Variants in GRM5 observed in about 807,000 individuals in gnomAD.
GRM5 encodes glutamate metabotropic receptor 5, also known as metabotropic glutamate receptor 5.
Under a neutral mutation model 83.1 loss-of-function variants are expected in GRM5, and 19 were observed. That is an observed-to-expected ratio of 0.23 (90% CI 0.16 to 0.34). The LOEUF (loss-of-function observed/expected upper bound fraction) is 0.34, where lower values mean the gene tolerates loss of function less well. Ranked by LOEUF, GRM5 falls within the 10% of genes least tolerant of loss-of-function variation. The pLI, the probability that GRM5 is intolerant of heterozygous loss-of-function variation, is 1.00. For synonymous variants in GRM5, 675 were observed against 633.6 expected (o/e 1.07, Z -0.98); for missense variants, 1,160 against 1,588.3 (o/e 0.73, Z 4.58).
chr11:88,994,537 C>A (rs1940111517), intron 2 of GRM5, among the ~76,000 whole-genome samples: 1 of 132,726 alleles, frequency 7.5e-6, no homozygotes, highest in South Asian at 2.4e-4. Flanking sequence ...ATTGTGAATC[C>A]TCTGAGAGAA....
chr11:88,896,617 G>A (rs1223503878), intron 2 of GRM5, among the ~76,000 whole-genome samples: 1 of 151,872 alleles, frequency 6.6e-6, no homozygotes. Context: ...GACCAGTGGT[G>A]CAGTTCTGAG....
At chr11:88,799,752 C>G (rs1038022341) in intron 3 of GRM5, among the ~76,000 whole-genome samples, 1 of 152,018 alleles carries the variant, frequency 6.6e-6, no homozygotes, top group Non-Finnish European at 1.5e-5. Flanking sequence ...AGCAGTTCTA[C>G]GATAATAAAA....
chr11:89,057,156 A>G (rs1223755675), intron 1 of GRM5, among the ~76,000 whole-genome samples: 1 of 152,130 alleles, frequency 6.6e-6, no homozygotes, highest in Non-Finnish European at 1.5e-5. Flanking sequence ...TCAGGACATA[A>G]ACACTAAAAT....
intron 2 of GRM5, among the ~76,000 whole-genome samples, chr11:89,039,192 G>C (rs916719421): frequency 1.3e-5 from 2 of 151,870 alleles, no homozygotes; most frequent in Non-Finnish European, 2.9e-5. Context: ...TTGAACCTGG[G>C]AGGCGGAGGT....
At chr11:88,973,360 C>A (rs542989) in intron 2 of GRM5, among the ~76,000 whole-genome samples, 17,465 of 152,068 alleles carry the variant, frequency 0.11, 3,232 homozygotes, top group African/African-American at 0.39. Flanking sequence ...AGGTTCTTTG[C>A]AGATGTGAGT....
At chr11:88,862,425 T>G (rs542553542) in intron 2 of GRM5, among the ~76,000 whole-genome samples, 1 of 152,228 alleles carries the variant, frequency 6.6e-6, no homozygotes. Flanking sequence ...CATAAAAACA[T>G]TATTTATGTT....
intron 8 of GRM5, among the ~76,000 whole-genome samples, chr11:88,537,217 C>T (rs1347194374): frequency 3.3e-5 from 5 of 152,146 alleles, no homozygotes; most frequent in East Asian, 1.9e-4. Flanking sequence ...GCACAATATA[C>T]GCTTATTTTT....
chr11:88,748,591 C>A (rs1233506385), intron 3 of GRM5, among the ~76,000 whole-genome samples: 1 of 152,136 alleles, frequency 6.6e-6, no homozygotes, highest in East Asian at 1.9e-4. Context: ...TACCAGAAAG[C>A]ATCCAGACTG....
intron 3 of GRM5, among the ~76,000 whole-genome samples, chr11:88,799,568 T>C (rs1349920295): frequency 6.6e-6 from 1 of 152,042 alleles, no homozygotes; most frequent in Non-Finnish European, 1.5e-5. Flanking sequence ...AAATAAATAA[T>C]ACAAAGAAGT....
At chr11:88,750,632 A>G (rs978142356) in intron 3 of GRM5, among the ~76,000 whole-genome samples, 2 of 152,170 alleles carry the variant, frequency 1.3e-5, no homozygotes, top group South Asian at 2.1e-4. Context: ...TAGAATATAC[A>G]TTCTTACCAC....
At chr11:88,793,844 A>C (rs958741103) in intron 3 of GRM5, among the ~76,000 whole-genome samples, 1 of 152,096 alleles carries the variant, frequency 6.6e-6, no homozygotes, top group Admixed American at 6.6e-5. Context: ...TTGTTTTTGT[A>C]GAGACAGGTC....
intron 3 of GRM5, among the ~76,000 whole-genome samples, chr11:88,736,294 G>T (rs911784369): frequency 2.6e-5 from 4 of 152,028 alleles, no homozygotes; most frequent in Non-Finnish European, 5.9e-5. Context: ...TACAGAAACT[G>T]ACTTCTGCGG....
chr11:88,514,038 C>T (rs1045726783), intron 9 of GRM5, among the ~76,000 whole-genome samples: 2 of 151,914 alleles, frequency 1.3e-5, no homozygotes, highest in African/African-American at 4.8e-5. Context: ...CCTTCCCTCA[C>T]TGAATATTTT....
chr11:88,572,386 T>A (rs535332056), intron 7 of GRM5, among the ~76,000 whole-genome samples: 1 of 152,336 alleles, frequency 6.6e-6, no homozygotes, highest in African/African-American at 2.4e-5. Context: ...AAGGAAAGTA[T>A]TAATTGGATG....
At chr11:88,974,167 T>A (rs1939255049) in intron 2 of GRM5, among the ~76,000 whole-genome samples, 1 of 152,150 alleles carries the variant, frequency 6.6e-6, no homozygotes, top group Admixed American at 6.6e-5. Context: ...ACCTGTGTCT[T>A]TTTTATCAAG....
chr11:89,026,368 G>A (rs1941130175), intron 2 of GRM5, among the ~76,000 whole-genome samples: 1 of 152,196 alleles, frequency 6.6e-6, no homozygotes, highest in Non-Finnish European at 1.5e-5. Context: ...ATGTGAAACT[G>A]CCAATAGTAG....
At chr11:88,544,565 C>T (rs1942348543) in intron 8 of GRM5, among the ~76,000 whole-genome samples, 1 of 152,162 alleles carries the variant, frequency 6.6e-6, no homozygotes, top group Non-Finnish European at 1.5e-5. Context: ...CTGCTGCCCT[C>T]TAGGGGGCCT....
intron 4 of GRM5, among the ~76,000 whole-genome samples, chr11:88,630,538 TAC>T (rs1324098801): frequency 4.0e-5 from 3 of 75,784 alleles, no homozygotes; most frequent in African/African-American, 1.5e-4. Flanking sequence ...ACTAATGTAA[TAC>T]ACACACACAC....
intron 3 of GRM5, among the ~76,000 whole-genome samples, chr11:88,679,985 C>G (rs552126855): frequency 6.6e-6 from 1 of 152,148 alleles, no homozygotes; most frequent in South Asian, 2.1e-4. Flanking sequence ...ATTATTAAAC[C>G]ACTAATTCTC....
Sources: allele counts gnomAD v4.1 joint callset (sites outside exome capture counted in the v4.1 genomes callset), GRCh38; gene constraint gnomAD v4.1.1; transcripts MANE v1.5; gene names NCBI Gene and HGNC (gene_info 2026-07-23, HGNC 2026-07-21).